The following ZNF433 variants were observed in gnomAD, a reference collection of about 807,000 sequenced individuals.
ZNF433 encodes the protein zinc finger protein 433.
Under a neutral mutation model 10.6 loss-of-function variants are expected in ZNF433, and 12 were observed. That is an observed-to-expected ratio of 1.13 (90% CI 0.72 to 1.83). The LOEUF is 1.83. ZNF433 is among the 40% of genes most tolerant of loss of function. ZNF433 has a pLI of 0.00. For synonymous variants in ZNF433, 272 were observed against 271.3 expected (o/e 1.00, Z -0.02); for missense variants, 737 against 798.0 (o/e 0.92, Z 0.92).
rs1048241354 is a variant in ZNF433, at chr19:12,035,573, C to T, written c.-34G>A. 7 of 1,562,890 alleles carry T rather than the reference C, an allele frequency of 4.5e-6. No individual in the cohort carries two copies. In the African/African-American group the frequency reaches 9.5e-5, roughly 21 times the overall value. On this transcript the variant is annotated 5_prime_UTR_variant, in exon 1 of 4. Coordinates refer to ENST00000550507, the MANE Select transcript of ZNF433 (RefSeq NM_001308348.2). ...TTTCAGGTGACTCCCACGACCAGTG[C>T]GGGTCACAGCACAGGCGACAGAAGC...
intron 1 of ZNF433, among the ~76,000 whole-genome samples, chr19:12,022,395 C>T (rs1361715119): frequency 6.6e-6 from 1 of 152,162 alleles, no homozygotes; most frequent in African/African-American, 2.4e-5. Flanking sequence ...TGGCTCTCAG[C>T]TCTGAAGGCT....
At chr19:12,020,617 T>C (rs1974439287) in intron 1 of ZNF433, among the ~76,000 whole-genome samples, 1 of 152,044 alleles carries the variant, frequency 6.6e-6, no homozygotes, top group Admixed American at 6.6e-5. Context: ...GGATTTATTG[T>C]CATTCCTAAG....
At chr19:12,024,672 A>G (rs1974653948) in intron 1 of ZNF433, 1 of 152,210 alleles carries the variant, frequency 6.6e-6, no homozygotes, top group South Asian at 2.1e-4. Flanking sequence ...AATAGAATAG[A>G]TCCAGAGAAG....
intron 1 of ZNF433, among the ~76,000 whole-genome samples, chr19:12,030,760 AAAAAT>A (rs1388312997): frequency 6.6e-6 from 1 of 152,228 alleles, no homozygotes; most frequent in African/African-American, 2.4e-5. Context: ...GACTATAGTA[AAAAAT>A]AATATATTGT....
chr19:12,022,498 A>G (rs1974545859), intron 1 of ZNF433, among the ~76,000 whole-genome samples: 1 of 152,102 alleles, frequency 6.6e-6, no homozygotes. Context: ...TCCATGACCG[A>G]GATGGTCTTG....
Position 12,015,800 on chromosome 19 carries a change from T to A in ZNF433, c.1058A>T (p.His353Leu), listed in dbSNP as rs763733153. The stretch of plus-strand genomic sequence containing the variant: ...TATCTCTCCAGTGTGCATTCCCAAG[T>A]GGTTTTGAAAGCTGGTAAGATAAGA... ...VLSYLTSFQN[H>L]LGMHTGEISH... is the part of the protein sequence containing the mutation. Residue 353 changes from histidine (H) to leucine (L), a missense_variant, in exon 4 of 4, where the codon CAC becomes CTC. Physicochemically the swap from His to Leu is moderately conservative, Grantham distance 99. Coordinates refer to ENST00000550507, the MANE Select transcript of ZNF433 (RefSeq NM_001308348.2). The A allele has an allele frequency of 2.5e-6, 4 of 1,614,058 alleles. No homozygotes were observed. In the African/African-American group the frequency reaches 4.0e-5, roughly 16 times the overall value.
At chr19:12,035,352 C>G (rs1001226859) in intron 1 of ZNF433, among the ~76,000 whole-genome samples, 185 bp downstream of exon 1, 6 of 152,166 alleles carry the variant, frequency 3.9e-5, no homozygotes, top group African/African-American at 1.4e-4. Flanking sequence ...ACGAGACGCC[C>G]GGGTCCCGGC....
At chr19:12,025,173 G>A (rs1212697862) in intron 1 of ZNF433, 1 of 152,184 alleles carries the variant, frequency 6.6e-6, no homozygotes, top group Non-Finnish European at 1.5e-5. Context: ...GCAAGAGCTT[G>A]TAGCTGTAAG....
rs780861439 is a variant in ZNF433, at chr19:12,016,475, G to A, written c.383C>T (p.Ala128Val). ...CTGTCCATATTCTTGATACTCATAT[G>A]CCTTGTGTCCAGTGTCATCTCTGAT... ...RHIRDDTGHK[A>V]YEYQEYGQKP... The change falls in exon 4 of 4, where the codon GCA becomes GTA. Residue 128 changes from alanine to valine, a missense_variant. Transcript: ENST00000550507. The A allele has an allele frequency of 6.2e-7, 1 of 1,614,068 alleles. No homozygotes were observed. Among genetic ancestry groups the A allele is most frequent in the Non-Finnish European group, 8.5e-7 (1 of 1,179,996 alleles).
rs377092636 is a variant in ZNF433, at chr19:12,016,341, C to T, written c.517G>A (p.Gly173Arg). 4.2e-5 allele frequency: 67 copies of T among 1,614,124 alleles called. No homozygotes were observed. The highest frequency in any genetic ancestry group is 1.6e-4 in the Middle Eastern group (1 of 6,062). Residue 173 changes from glycine (G) to arginine (R), a missense_variant, in exon 4 of 4, where the codon GGA becomes AGA. Coordinates refer to ENST00000550507, the MANE Select transcript of ZNF433 (RefSeq NM_001308348.2). ...TTTGAATGGGAAATAAATGTTTTTC[C>T]GCATTCCTCACAAACATAGAGTTTC... Reference protein sequence around the residue: ...GRKLYVCEECGKTFISHSNLQ... With the variant: ...GRKLYVCEECRKTFISHSNLQ...
At chr19:12,020,055 T>G (rs2058595561) in intron 1 of ZNF433, among the ~76,000 whole-genome samples, 1 of 152,144 alleles carries the variant, frequency 6.6e-6, no homozygotes, top group South Asian at 2.1e-4. Context: ...GCGGATGACT[T>G]GAGGTCAGGG....
At position 12,015,781 on chromosome 19, in the gene ZNF433, T is replaced by G. The variant is rs188694866; in HGVS notation, c.1077A>C (p.Gly359=). ...SFQNHLGMHT[G]EISHKCKICG... is the part of the protein sequence containing the mutation. ...ATATCTTACATTTATGAGATATCTC[T>G]CCAGTGTGCATTCCCAAGTGGTTTT... The change falls in exon 4 of 4, where the codon GGA becomes GGC. Residue 359 remains glycine, a synonymous_variant. Coordinates refer to ENST00000550507, the MANE Select transcript of ZNF433 (RefSeq NM_001308348.2). 1.2e-6 allele frequency: 2 copies of G among 1,613,994 alleles called. No homozygotes were observed.
intron 1 of ZNF433, chr19:12,026,103 C>G (rs1974721691): frequency 6.5e-6 from 1 of 153,158 alleles, no homozygotes; most frequent in Admixed American, 6.5e-5. Flanking sequence ...AGAAGCAGAA[C>G]AACTGGTTTG....
chr19:12,021,447 T>G (rs1417874410), intron 1 of ZNF433, among the ~76,000 whole-genome samples: 2 of 152,236 alleles, frequency 1.3e-5, no homozygotes, highest in African/African-American at 4.8e-5. Flanking sequence ...CCCTCACTCA[T>G]GATAATCCAT....
intron 1 of ZNF433, chr19:12,035,004 G>A (rs1684219678): frequency 2.7e-6 from 1 of 376,072 alleles, no homozygotes; most frequent in Admixed American, 3.1e-5. Flanking sequence ...ATTTTACACA[G>A]CTTGGCATTT....
Position 12,015,504 on chromosome 19 carries a change from A to G in ZNF433, c.1354T>C (p.Cys452Arg), listed in dbSNP as rs776039130. 3.0e-5 allele frequency: 49 copies of G among 1,613,690 alleles called. No individual in the cohort carries two copies. The Middle Eastern group carries it at 6.6e-4, about 22-fold the overall frequency. ...TGEKPYACKE[C>R]GKPFSNFSFF... ...GAGAAATTACTAAATGGTTTTCCAC[A>G]TTCCTTACATGCATAGGGTTTCTCT... The change falls in exon 4 of 4, where the codon TGT becomes CGT. Residue 452 changes from cysteine to arginine, a missense_variant. By Grantham distance (180) the Cys-to-Arg change is radical. Transcript: ENST00000550507.
intron 1 of ZNF433, among the ~76,000 whole-genome samples, chr19:12,034,212 AGG>A (rs1339684014): frequency 6.6e-6 from 1 of 152,250 alleles, no homozygotes; most frequent in Non-Finnish European, 1.5e-5. Context: ...GGGCTTAACC[AGG>A]TACAATTGGT....
intron 1 of ZNF433, chr19:12,034,571 C>CTT (rs753895023): frequency 6.3e-6 from 2 of 315,526 alleles, no homozygotes; most frequent in Non-Finnish European, 1.3e-5. Flanking sequence ...CAAACAAGAC[C>CTT]TAAGGCCATG....
In ZNF433 at chr19:12,015,685, A is replaced by G. The variant is rs1167051865; in HGVS notation, c.1173T>C (p.Tyr391=). 5.6e-6 allele frequency: 9 copies of G among 1,613,970 alleles called. No homozygotes were observed. The highest frequency in any genetic ancestry group is 6.8e-6 in the Non-Finnish European group (8 of 1,179,990). Residue 391 remains tyrosine, a synonymous_variant, in exon 4 of 4, where the codon TAT becomes TAC. Coordinates refer to ENST00000550507, the MANE Select transcript of ZNF433 (RefSeq NM_001308348.2). ...AGGCTTTACCACATTGGTTGCATTT[A>G]TAGGGTTTCTCTCCAGTGTGAGTTT... ...HEKTHTGEKP[Y]KCNQCGKAFN... is the part of the protein sequence containing the mutation.
Sources: allele counts gnomAD v4.1 joint callset (sites outside exome capture counted in the v4.1 genomes callset), GRCh38; gene constraint gnomAD v4.1.1; transcripts MANE v1.5; gene names NCBI Gene and HGNC (gene_info 2026-07-23, HGNC 2026-07-21).